The following ZNF385D variants were observed in gnomAD, a reference collection of about 807,000 sequenced individuals.
ZNF385D encodes zinc finger protein 385D.
ZNF385D carries 15 observed loss-of-function variants against 35.8 expected under a neutral mutation model. The observed-to-expected ratio is 0.42, with a 90% CI of 0.28 to 0.64. The LOEUF (loss-of-function observed/expected upper bound fraction) is 0.64. Among genes scored for constraint, ZNF385D ranks in the 30% least tolerant of loss-of-function variants. The pLI is 0.23. For missense variants in ZNF385D, 474 were observed against 494.6 expected (o/e 0.96, Z 0.39); for synonymous variants, 212 against 186.8 (o/e 1.13, Z -1.10).
chr3:21,501,293 C>G (rs1046033952), intron 4 of ZNF385D, among the ~76,000 whole-genome samples: 1 of 152,188 alleles, frequency 6.6e-6, no homozygotes, highest in Admixed American at 6.5e-5. Flanking sequence ...CTTAAAATCA[C>G]TACATGTGTG....
chr3:22,138,784 A>G (rs1033540162), intron 3 of ZNF385D, among the ~76,000 whole-genome samples: 4 of 152,166 alleles, frequency 2.6e-5, no homozygotes, highest in African/African-American at 9.7e-5. Flanking sequence ...AAGACACCAA[A>G]AGCAATGGCA....
Position 21,602,517 on chromosome 3 carries a change from C to CTTTTTTTTTTTTTTT in ZNF385D, c.166-37848_166-37834dup, listed in dbSNP as rs746138066. On this transcript the variant is annotated intron_variant, in intron 2 of 7. Coordinates refer to ENST00000281523, the MANE Select transcript of ZNF385D (RefSeq NM_024697.3). Reference sequence around the variant, plus strand: ...TAGGTCTCCTGTTTCCCTGCATTTTCTTTTTTTTTTTTTTTTTTTTTTTTT... The same window carrying CTTTTTTTTTTTTTTT: ...TAGGTCTCCTGTTTCCCTGCATTTTCTTTTTTTTTTTTTTTTTTTTTTTTTTTTTTTTTTTTTTTT... 5.3e-3 allele frequency among the ~76,000 whole-genome samples: 334 copies of CTTTTTTTTTTTTTTT among 62,670 alleles called. 40 individuals are homozygous for CTTTTTTTTTTTTTTT. Among genetic ancestry groups the CTTTTTTTTTTTTTTT allele is most frequent in the African/African-American group, 0.011 (139 of 13,232 alleles). 41.1% of individuals were successfully genotyped at this position (62,670 alleles called of 152,430 possible).
At chr3:22,002,608 A>T (rs898060887) in intron 3 of ZNF385D, among the ~76,000 whole-genome samples, 1 of 152,156 alleles carries the variant, frequency 6.6e-6, no homozygotes, top group Non-Finnish European at 1.5e-5. Context: ...CACCAAAACC[A>T]GACAAGGGCA....
intron 2 of ZNF385D, among the ~76,000 whole-genome samples, chr3:22,258,349 T>C (rs1482280199): frequency 1.3e-5 from 2 of 151,298 alleles, no homozygotes; most frequent in Non-Finnish European, 3.0e-5. Context: ...GAAGAAAAAA[T>C]AGTGCACAGT....
intron 2 of ZNF385D, among the ~76,000 whole-genome samples, chr3:22,260,288 T>C (rs1700556097): frequency 6.6e-6 from 1 of 151,790 alleles, no homozygotes; most frequent in African/African-American, 2.4e-5. Flanking sequence ...AGTTGAACAA[T>C]GAGAACACAT....
chr3:22,207,815 C>T (rs577486739), intron 2 of ZNF385D, among the ~76,000 whole-genome samples: 1 of 151,832 alleles, frequency 6.6e-6, no homozygotes, highest in African/African-American at 2.4e-5. Context: ...AGAAGACATA[C>T]AAATGGCAAA....
intron 3 of ZNF385D, among the ~76,000 whole-genome samples, chr3:21,881,160 C>T (rs1272987163): frequency 6.6e-6 from 1 of 151,776 alleles, no homozygotes; most frequent in Non-Finnish European, 1.5e-5. Context: ...AAGGAAGCTA[C>T]AGTACACAAC....
chr3:21,918,816 A>G (rs1004608212), intron 3 of ZNF385D, among the ~76,000 whole-genome samples: 4 of 152,160 alleles, frequency 2.6e-5, no homozygotes, highest in African/African-American at 9.6e-5. Flanking sequence ...TTAAATTTTC[A>G]GAATGAAATG....
chr3:22,354,289 A>T (rs1176174413), intron 2 of ZNF385D, among the ~76,000 whole-genome samples: 2 of 152,136 alleles, frequency 1.3e-5, no homozygotes, highest in African/African-American at 4.8e-5. Context: ...TGAAGAAAAC[A>T]TCAGTACATA....
chr3:21,832,484 A>T (rs1401381872), intron 3 of ZNF385D, among the ~76,000 whole-genome samples: 1 of 152,198 alleles, frequency 6.6e-6, no homozygotes, highest in Non-Finnish European at 1.5e-5. Flanking sequence ...GGATCAGCAA[A>T]GCAGGTGCTT....
chr3:22,197,078 T>A (rs1431026520), intron 2 of ZNF385D, among the ~76,000 whole-genome samples: 1 of 152,132 alleles, frequency 6.6e-6, no homozygotes, highest in Non-Finnish European at 1.5e-5. Flanking sequence ...AGCTTTCACA[T>A]AATTTTTCAC....
chr3:22,123,010 G>A (rs1280848713), intron 3 of ZNF385D, among the ~76,000 whole-genome samples: 4 of 152,140 alleles, frequency 2.6e-5, no homozygotes, highest in Non-Finnish European at 5.9e-5. Context: ...TATTCCAAAT[G>A]CAATGGGTTG....
At chr3:21,836,529 C>G (rs1401029482) in intron 3 of ZNF385D, among the ~76,000 whole-genome samples, 1 of 152,048 alleles carries the variant, frequency 6.6e-6, no homozygotes, top group Admixed American at 6.6e-5. Flanking sequence ...TCTCAAATCT[C>G]CATCCTAGAA....
intron 4 of ZNF385D, among the ~76,000 whole-genome samples, chr3:21,462,807 C>A (rs112450716): frequency 0.034 from 5,247 of 152,116 alleles, 314 homozygotes; most frequent in African/African-American, 0.12. Flanking sequence ...CATGGTGAAA[C>A]CCCGTCTCTA....
chr3:22,152,082 A>C (rs1446429505), intron 3 of ZNF385D, among the ~76,000 whole-genome samples: 1 of 151,934 alleles, frequency 6.6e-6, no homozygotes, highest in Non-Finnish European at 1.5e-5. Flanking sequence ...TTTAGCTCCC[A>C]CTTCTAAGTG....
intron 2 of ZNF385D, among the ~76,000 whole-genome samples, chr3:21,591,518 ATGT>A (rs1210677462): frequency 3.9e-5 from 6 of 152,160 alleles, no homozygotes; most frequent in Non-Finnish European, 5.9e-5. Flanking sequence ...ATAATAATTA[ATGT>A]TGTTTTAAAA....
At chr3:21,584,696 G>GT (rs2063761231) in intron 2 of ZNF385D, among the ~76,000 whole-genome samples, 2 of 151,932 alleles carry the variant, frequency 1.3e-5, no homozygotes. Flanking sequence ...CAAATAATGT[G>GT]TTTTTATCTT....
intron 2 of ZNF385D, among the ~76,000 whole-genome samples, chr3:22,187,598 A>G (rs926970983): frequency 6.6e-6 from 1 of 152,162 alleles, no homozygotes; most frequent in East Asian, 1.9e-4. Context: ...AGAAGGGAAC[A>G]AAGTTCTCAT....
chr3:21,510,944 T>G lies in ZNF385D; in HGVS notation c.356A>C (p.Lys119Thr). The stretch of plus-strand genomic sequence containing the variant: ...TGCGCTGTCCTTGGCAGTTACAGAT[T>G]TCTGCTTATTTTTCATGGCTTCCAG... ...KALEAMKNKQ[K>T]SVTAKDSAKT... is the part of the protein sequence containing the mutation. The change falls in exon 4 of 8, where the codon AAA becomes ACA. Residue 119 changes from lysine to threonine, a missense_variant. Transcript: ENST00000281523. 6.2e-7 allele frequency: 1 copy of G among 1,614,134 alleles called. No individual in the cohort carries two copies. Among genetic ancestry groups the G allele is most frequent in the Non-Finnish European group, 8.5e-7 (1 of 1,180,004 alleles).
Sources: gnomAD v4.1 joint callset for allele counts (sites outside exome capture counted in the v4.1 genomes callset) on GRCh38, gnomAD v4.1.1 for gene constraint, MANE v1.5 for transcripts, NCBI Gene and HGNC (gene_info 2026-07-23, HGNC 2026-07-21) for gene names.